The following TMEM135 variants were observed in gnomAD, a reference collection of about 807,000 sequenced individuals.
TMEM135 encodes the protein peroxisomal membrane protein 52.
In TMEM135, 30 loss-of-function variants were observed where a neutral mutation model predicts 60.3. The observed-to-expected ratio is 0.50, with a 90% CI of 0.37 to 0.68. The LOEUF (loss-of-function observed/expected upper bound fraction) is 0.68. Ranked by LOEUF, TMEM135 falls within the 30% of genes least tolerant of loss-of-function variation. The pLI is 0.00. For missense variants in TMEM135, 468 were observed against 548.8 expected (o/e 0.85, Z 1.47); for synonymous variants, 190 against 186.7 (o/e 1.02, Z -0.14).
chr11:87,293,321 C>G (rs10219365), intron 6 of TMEM135, among the ~76,000 whole-genome samples: 3 of 152,082 alleles, frequency 2.0e-5, no homozygotes, highest in African/African-American at 4.8e-5. Context: ...ACATTTCTCA[C>G]TGTTAACATG....
chr11:87,159,445 T>A lies in TMEM135; in HGVS notation c.462+2039T>A, dbSNP rs976896815. On this transcript the variant is annotated intron_variant, in intron 5 of 14. Transcript: ENST00000305494. ...TGTCAGGGTTGATAAAATAATATTT[T>A]GTGGTTTAAAAAGTATAGAGTGATG... Among the ~76,000 whole-genome samples, 11 of 152,296 alleles carry A rather than the reference T, an allele frequency of 7.2e-5. No homozygotes were observed. In the East Asian group the frequency reaches 2.1e-3, roughly 29 times the overall value.
chr11:87,196,669 C>T (rs916727584), intron 5 of TMEM135, among the ~76,000 whole-genome samples: 1 of 152,062 alleles, frequency 6.6e-6, no homozygotes, highest in Middle Eastern at 3.2e-3. Context: ...AGGAAGTAGA[C>T]TTCAAATATA....
chr11:87,085,025 G>C (rs934276944), intron 3 of TMEM135, among the ~76,000 whole-genome samples: 1 of 152,202 alleles, frequency 6.6e-6, no homozygotes, highest in African/African-American at 2.4e-5. Context: ...TTTGTCTTCA[G>C]ATTTAGGCTA....
In TMEM135 at chr11:87,321,183, G is replaced by A. The variant is rs551791100; in HGVS notation, c.1245-18G>A. The A allele has an allele frequency of 1.9e-6, 3 of 1,603,690 alleles. No homozygotes were observed. Among genetic ancestry groups the A allele is most frequent in the Non-Finnish European group, 1.7e-6 (2 of 1,170,936 alleles). ...TAAACTATATTAATACTTGTTTACT[G>A]TATTCTTTGTTTTACAGATTTGCTG... On this transcript the variant is annotated intron_variant, in intron 14 of 14. Transcript: ENST00000305494.
At chr11:87,165,576 C>T (rs1670252713) in intron 5 of TMEM135, among the ~76,000 whole-genome samples, 1 of 148,500 alleles carries the variant, frequency 6.7e-6, no homozygotes, top group Admixed American at 6.7e-5. Flanking sequence ...GGGAGGATTC[C>T]CTCTTTTTCT....
rs896441672 is a variant in TMEM135, at chr11:87,323,732, C to A, written c.*2399C>A. The A allele has an allele frequency of 2.2e-6, 1 of 453,580 alleles. No individual in the cohort carries two copies. The highest frequency in any genetic ancestry group is 2.4e-5 in the Admixed American group (1 of 42,526). 28.1% of individuals were successfully genotyped at this position (453,580 alleles called of 1,614,324 possible). On this transcript the variant is annotated 3_prime_UTR_variant, in exon 15 of 15. Transcript: ENST00000305494. ...ATAAAATCCTAGAACTAGTAGCAAC[C>A]GAGTAAAGATTGAGTTTGCAAGATA...
At chr11:87,286,739 T>C (rs1175586260) in intron 6 of TMEM135, among the ~76,000 whole-genome samples, 2 of 152,260 alleles carry the variant, frequency 1.3e-5, no homozygotes, top group Non-Finnish European at 2.9e-5. Flanking sequence ...TCCTGGTTCC[T>C]TTTTGACTTT....
At chr11:87,289,134 C>A (rs1435078717) in intron 6 of TMEM135, among the ~76,000 whole-genome samples, 1 of 152,048 alleles carries the variant, frequency 6.6e-6, no homozygotes, top group East Asian at 1.9e-4. Context: ...CTTCTGAGAC[C>A]ACATTTTGTG....
At chr11:87,110,277 A>G (rs1433417077) in intron 4 of TMEM135, among the ~76,000 whole-genome samples, 2 of 152,192 alleles carry the variant, frequency 1.3e-5, no homozygotes, top group African/African-American at 4.8e-5. Flanking sequence ...TAAGAACACT[A>G]GCTCTAGAGT....
intron 5 of TMEM135, among the ~76,000 whole-genome samples, chr11:87,229,202 T>C (rs539655561): frequency 1.1e-3 from 169 of 152,142 alleles, no homozygotes; most frequent in Non-Finnish European, 1.6e-3. Context: ...TTTTTGTTGA[T>C]AATAAAATTC....
chr11:87,146,778 A>T (rs533004357), intron 4 of TMEM135, among the ~76,000 whole-genome samples: 1 of 152,220 alleles, frequency 6.6e-6, no homozygotes, highest in South Asian at 2.1e-4. Flanking sequence ...ACTTTCAGGC[A>T]GGTTGATATT....
At chr11:87,130,434 A>T (rs989169798) in intron 4 of TMEM135, among the ~76,000 whole-genome samples, 1 of 152,184 alleles carries the variant, frequency 6.6e-6, no homozygotes, top group Non-Finnish European at 1.5e-5. Flanking sequence ...GTAATGTTCT[A>T]TTGAGATCAT....
intron 14 of TMEM135, among the ~76,000 whole-genome samples, chr11:87,320,257 T>G (rs1308640063): frequency 2.0e-5 from 3 of 152,160 alleles, no homozygotes; most frequent in African/African-American, 7.2e-5. Flanking sequence ...AGGGGTTAGA[T>G]AGCTTGCCAG....
intron 5 of TMEM135, among the ~76,000 whole-genome samples, chr11:87,176,977 C>T (rs17149789): frequency 6.6e-6 from 1 of 152,106 alleles, no homozygotes; most frequent in Non-Finnish European, 1.5e-5. Flanking sequence ...GAGTGCAAAT[C>T]TGGCTTTAAT....
At chr11:87,179,576 T>G (rs1939463805) in intron 5 of TMEM135, among the ~76,000 whole-genome samples, 1 of 152,222 alleles carries the variant, frequency 6.6e-6, no homozygotes, top group South Asian at 2.1e-4. Flanking sequence ...AGTCTTTGTT[T>G]CATCTTTTAA....
intron 14 of TMEM135, 72 bp from the exon 15 acceptor site, chr11:87,321,129 A>C: frequency 7.3e-7 from 1 of 1,374,714 alleles, no homozygotes; most frequent in South Asian, 1.4e-5. Context: ...ACATAAGATA[A>C]GTCAACTAAA....
intron 2 of TMEM135, among the ~76,000 whole-genome samples, chr11:87,069,025 C>T (rs914657691): frequency 2.6e-5 from 4 of 151,014 alleles, no homozygotes; most frequent in African/African-American, 4.9e-5. Flanking sequence ...CTATGACGGC[C>T]GGGCGCGGTG....
chr11:87,038,324 G>A (rs1362146474), intron 1 of TMEM135, 138 bp downstream of exon 1: 2 of 887,616 alleles, frequency 2.3e-6, no homozygotes, highest in Non-Finnish European at 3.5e-6. Flanking sequence ...TGTTTTGGGG[G>A]GTCGGTAGGG....
At chr11:87,045,729 A>G (rs1428930263) in intron 1 of TMEM135, among the ~76,000 whole-genome samples, 1 of 152,210 alleles carries the variant, frequency 6.6e-6, no homozygotes, top group Non-Finnish European at 1.5e-5. Flanking sequence ...TTAGAAAACT[A>G]TGCTTGAACT....
Sources: gnomAD v4.1 joint callset for allele counts (sites outside exome capture counted in the v4.1 genomes callset) on GRCh38, gnomAD v4.1.1 for gene constraint, MANE v1.5 for transcripts, NCBI Gene and HGNC (gene_info 2026-07-23, HGNC 2026-07-21) for gene names.